Variants in ZNF782 observed in about 807,000 individuals in gnomAD.
ZNF782 encodes zinc finger protein 782.
Under a neutral mutation model 13.0 loss-of-function variants are expected in ZNF782, and 12 were observed. The ratio of observed to expected loss-of-function variants is 0.92; its 90% CI spans 0.59 to 1.50. The LOEUF is 1.50. Among genes scored for constraint, ZNF782 ranks in the 40% most tolerant of loss-of-function variants. The pLI, the probability that ZNF782 is intolerant of heterozygous loss-of-function variation, is 0.00. For missense variants in ZNF782, 770 were observed against 822.9 expected (o/e 0.94, Z 0.79); for synonymous variants, 284 against 283.0 (o/e 1.00, Z -0.04).
chr9:96,866,589 C>A (rs1045432412), intron 1 of ZNF782, among the ~76,000 whole-genome samples: 1 of 152,192 alleles, frequency 6.6e-6, no homozygotes, highest in Non-Finnish European at 1.5e-5. Flanking sequence ...AGAGTCGCTA[C>A]CTGGGCACCG....
chr9:96,887,327 A>AGGG, the ZNF782 span: 1 of 149,420 alleles, frequency 6.7e-6, no homozygotes, highest in African/African-American at 2.6e-5. Context: ...GGAAGGAAGG[A>AGGG]AGGAAGGAAG....
the ZNF782 span, among the ~76,000 whole-genome samples, chr9:96,930,760 T>C: frequency 6.6e-6 from 1 of 150,776 alleles, no homozygotes; most frequent in Non-Finnish European, 1.5e-5. Context: ...TGACCCCTAT[T>C]TAACACTTGT....
chr9:96,828,957 A>G (rs772206946), intron 4 of ZNF782, among the ~76,000 whole-genome samples: 4 of 152,110 alleles, frequency 2.6e-5, no homozygotes, highest in Non-Finnish European at 5.9e-5. Flanking sequence ...AGAAGAACAA[A>G]GAGAATTAAA....
chr9:96,884,601 T>C, the ZNF782 span, among the ~76,000 whole-genome samples: 1 of 151,850 alleles, frequency 6.6e-6, no homozygotes, highest in Non-Finnish European at 1.5e-5. Context: ...AGGGAGCTGG[T>C]CACATAGTCA....
At chr9:96,823,731 C>A (rs139701915) in intron 5 of ZNF782, among the ~76,000 whole-genome samples, 1 of 152,156 alleles carries the variant, frequency 6.6e-6, no homozygotes, top group African/African-American at 2.4e-5. Context: ...TTAAAATATA[C>A]CTCTTTAACA....
the ZNF782 span, among the ~76,000 whole-genome samples, chr9:96,903,566 T>TG: frequency 7.8e-6 from 1 of 128,040 alleles, no homozygotes. Flanking sequence ...GTTTTTTTTT[T>TG]TTTTTTTTTT....
the ZNF782 span, chr9:96,891,311 A>T: frequency 2.6e-5 from 4 of 152,136 alleles, no homozygotes; most frequent in South Asian, 2.1e-4. Flanking sequence ...TGGAAAAAAA[A>T]TTTTTGTTTT....
rs1376367780 is a variant in ZNF782, at chr9:96,825,855, T to C, written c.244+1225A>G. On this transcript the variant is annotated intron_variant, in intron 5 of 5. Transcript: ENST00000481138. ...AAATCAAAACCACAATGAGATACCA[T>C]CTCACACCAGTTAGAATGGCAATCA... Among the ~76,000 whole-genome samples, 300 of 150,566 alleles carry C rather than the reference T, an allele frequency of 2.0e-3. 1 individual carries two copies. Among genetic ancestry groups the C allele is most frequent in the African/African-American group, 6.8e-3 (281 of 41,300 alleles).
intron 1 of ZNF782, among the ~76,000 whole-genome samples, chr9:96,866,559 T>C (rs1195965075): frequency 6.6e-6 from 1 of 152,138 alleles, no homozygotes; most frequent in Non-Finnish European, 1.5e-5. Flanking sequence ...AAGGGAAATG[T>C]GGGGTCGGAG....
intron 4 of ZNF782, among the ~76,000 whole-genome samples, chr9:96,841,278 G>A (rs186935656): frequency 3.0e-4 from 46 of 151,824 alleles, no homozygotes; most frequent in East Asian, 5.8e-4. Context: ...AAGTCTCTAG[G>A]CCCAGATGGT....
intron 3 of ZNF782, among the ~76,000 whole-genome samples, chr9:96,851,405 C>T (rs1453379503): frequency 6.6e-6 from 1 of 152,144 alleles, no homozygotes; most frequent in Non-Finnish European, 1.5e-5. Context: ...ACAATGTTCT[C>T]ATTTTTCTAA....
intron 1 of ZNF782, among the ~76,000 whole-genome samples, chr9:96,867,727 G>C (rs1851776488): frequency 6.6e-6 from 1 of 152,184 alleles, no homozygotes. Context: ...AGTCTGAGTT[G>C]TGCAGCTGCA....
rs1588143247 is a variant in ZNF782, at chr9:96,817,743, G to A, written c.*180C>T. On this transcript the variant is annotated 3_prime_UTR_variant, in exon 6 of 6. Coordinates refer to ENST00000481138, the MANE Select transcript of ZNF782 (RefSeq NM_001001662.3). The stretch of plus-strand genomic sequence containing the variant: ...AAGACTGGGCTCTGGCTGAAAGAAT[G>A]CCCATATAAAATAGATTTCAACAAT... 1.9e-6 allele frequency: 1 copy of A among 535,168 alleles called. No homozygotes were observed. The highest frequency in any genetic ancestry group is 3.1e-6 in the Non-Finnish European group (1 of 319,424). The allele number at this position is 535,168 out of a possible 1,614,324, so 33.2% of individuals were successfully genotyped here.
chr9:96,897,204 C>T, the ZNF782 span, among the ~76,000 whole-genome samples: 7 of 152,162 alleles, frequency 4.6e-5, no homozygotes, highest in East Asian at 7.7e-4. Flanking sequence ...ATGTGCCTGA[C>T]GCTACGGAAG....
rs1225500597 is a variant in ZNF782, at chr9:96,819,160, A to T, written c.863T>A (p.Leu288His). 6.2e-7 allele frequency: 1 copy of T among 1,613,456 alleles called. No individual in the cohort carries two copies. Among genetic ancestry groups the T allele is most frequent in the Middle Eastern group, 1.7e-4 (1 of 6,060 alleles). Residue 288 changes from leucine to histidine, a missense_variant, in exon 6 of 6, where the codon CTC becomes CAC. Physicochemically the swap from Leu to His is moderately conservative, Grantham distance 99. Coordinates refer to ENST00000481138, the MANE Select transcript of ZNF782 (RefSeq NM_001001662.3). ...NCFCRITHKT[L>H]TGGKSFSQKS... ...TTGGCTGAAGGATTTCCCTCCTGTG[A>T]GAGTTTTGTGAGTGATTCTACAGAA...
the ZNF782 span, among the ~76,000 whole-genome samples, chr9:96,881,934 TGTTA>T: frequency 6.6e-6 from 1 of 152,048 alleles, no homozygotes; most frequent in African/African-American, 2.4e-5. Flanking sequence ...AAGCCTTCCT[TGTTA>T]ATTTACACAA....
At chr9:96,886,923 A>G in the ZNF782 span, among the ~76,000 whole-genome samples, 9 of 110,236 alleles carry the variant, frequency 8.2e-5, no homozygotes, top group East Asian at 6.9e-4. Flanking sequence ...CTCCCTCTCG[A>G]AAAAAAAAAA....
chr9:96,925,263 T>C, the ZNF782 span, among the ~76,000 whole-genome samples: 2 of 151,476 alleles, frequency 1.3e-5, no homozygotes, highest in Non-Finnish European at 1.5e-5. Flanking sequence ...GATGGGGAAA[T>C]GGAGGGACGC....
intron 1 of ZNF782, among the ~76,000 whole-genome samples, chr9:96,867,808 T>G (rs1564016240): frequency 6.6e-6 from 1 of 152,210 alleles, no homozygotes; most frequent in East Asian, 1.9e-4. Context: ...CCTTTCTGCT[T>G]GTCCCAAACT....
Sources: gnomAD v4.1 joint callset for allele counts (sites outside exome capture counted in the v4.1 genomes callset) on GRCh38, gnomAD v4.1.1 for gene constraint, MANE v1.5 for transcripts, NCBI Gene and HGNC (gene_info 2026-07-23, HGNC 2026-07-21) for gene names.